Variants in C5orf63 observed in about 807,000 individuals in gnomAD.
C5orf63 encodes chromosome 5 open reading frame 63.
In C5orf63, 18 loss-of-function variants were observed where a neutral mutation model predicts 13.3. That is an observed-to-expected ratio of 1.36 (90% CI 0.94 to 2.01). The LOEUF is 2.01. Ranked by LOEUF, C5orf63 falls within the 30% of genes most tolerant of loss-of-function variation. C5orf63 has a pLI of 0.00. For missense variants in C5orf63, 118 were observed against 127.7 expected, an observed-to-expected ratio of 0.92 and a Z score of 0.36; for synonymous variants, 38 against 44.7, an observed-to-expected ratio of 0.85 and a Z score of 0.60.
At position 127,051,960 on chromosome 5, in the gene C5orf63, C is replaced by T; in HGVS notation, c.172-13G>A. On this transcript the variant is annotated splice_polypyrimidine_tract_variant and intron_variant, in intron 4 of 4. Transcript: ENST00000296662. ...CCTGTAAAATGAACTGAAACAGAGA[C>T]AGACTAAAGCTCTGTATTTTAGACC... 1 of 1,475,654 alleles carries T rather than the reference C, an allele frequency of 6.8e-7. No homozygotes were observed. Among genetic ancestry groups the T allele is most frequent in the Non-Finnish European group, 9.0e-7 (1 of 1,116,368 alleles). 91.4% of individuals were successfully genotyped at this position (1,475,654 alleles called of 1,614,324 possible).
At chr5:127,046,709 G>C (rs781106911), downstream of C5orf63, 4 of 152,178 alleles carry the variant, frequency 2.6e-5, no homozygotes, top group Non-Finnish European at 5.9e-5. Context: ...TTAGGTCATG[G>C]GTGCCTGGTT....
intron 2 of C5orf63, 30 bp from the exon 3 acceptor site, chr5:127,059,032 T>A: frequency 7.8e-7 from 1 of 1,275,068 alleles, no homozygotes; most frequent in Non-Finnish European, 1.1e-6. Context: ...GCAGTAAACT[T>A]ATGTGCCCTA....
At chr5:127,050,836 G>T (rs952564783), downstream of C5orf63, among the ~76,000 whole-genome samples, 52 of 152,280 alleles carry the variant, frequency 3.4e-4, 1 homozygote, top group African/African-American at 1.2e-3. Flanking sequence ...ACATGGAATT[G>T]CAGTGGTAAG....
chr5:127,052,424 C>T (rs146453635), intron 4 of C5orf63, 189 bp downstream of exon 4: 1 of 424,218 alleles, frequency 2.4e-6, no homozygotes, highest in Non-Finnish European at 4.1e-6. Context: ...CAGTACTGCT[C>T]AGAGGAAAAC....
downstream of C5orf63, chr5:127,044,402 G>A (rs1195119007): frequency 1.3e-5 from 2 of 152,054 alleles, no homozygotes; most frequent in East Asian, 3.9e-4. Flanking sequence ...TTAGAATTCA[G>A]AGGTTTAGCT....
exon 5 of C5orf63, chr5:127,045,911 A>C (rs139854567): frequency 2.0e-5 from 3 of 152,334 alleles, no homozygotes; most frequent in Non-Finnish European, 4.4e-5. Context: ...GGCATCACGT[A>C]ATGTAAATTG....
downstream of C5orf63, chr5:127,042,748 C>T (rs1753434241): frequency 6.6e-6 from 1 of 152,026 alleles, no homozygotes; most frequent in African/African-American, 2.4e-5. Flanking sequence ...CATGATAAAA[C>T]AAATGATTTG....
chr5:127,050,736 C>T (rs1001419752), downstream of C5orf63, among the ~76,000 whole-genome samples: 19 of 152,186 alleles, frequency 1.2e-4, no homozygotes, highest in African/African-American at 3.6e-4. Flanking sequence ...TAATATTCTA[C>T]ACTAAGACTG....
At chr5:127,063,235 A>C (rs1375086048) in intron 2 of C5orf63, among the ~76,000 whole-genome samples, 2 of 152,184 alleles carry the variant, frequency 1.3e-5, no homozygotes, top group Non-Finnish European at 2.9e-5. Flanking sequence ...GACTGACTGG[A>C]CCAATTCAGC....
chr5:127,047,378 A>G (rs1753541816), downstream of C5orf63: 1 of 258,916 alleles, frequency 3.9e-6, no homozygotes, highest in African/African-American at 2.2e-5. Flanking sequence ...AGGTGACATA[A>G]CACTGATACT....
chr5:127,066,502 G>A (rs1399181660), intron 2 of C5orf63, among the ~76,000 whole-genome samples: 4 of 152,008 alleles, frequency 2.6e-5, no homozygotes, highest in African/African-American at 9.7e-5. Context: ...AAAGAAAAGA[G>A]GGCAGTAAGG....
At chr5:127,052,022 C>A in intron 4 of C5orf63, 75 bp from the exon 5 acceptor site, 1 of 1,122,968 alleles carries the variant, frequency 8.9e-7, no homozygotes, top group Non-Finnish European at 1.2e-6. Flanking sequence ...TAAACTGATC[C>A]CCAGACCATT....
Position 127,058,943 on chromosome 5 carries a change from A to C in C5orf63, c.53T>G (p.Leu18Arg), listed in dbSNP as rs1271822091. 3.9e-6 allele frequency: 6 copies of C among 1,537,282 alleles called. No individual in the cohort carries two copies. Among genetic ancestry groups the C allele is most frequent in the Non-Finnish European group, 5.2e-6 (6 of 1,146,814 alleles). Reference sequence around the variant, plus strand: ...AGAGGCAGAGCAATTTCTCAAGAAGAGTCCAAAGGAGGATCTGGCAAGTTG... The same window carrying C: ...AGAGGCAGAGCAATTTCTCAAGAAGCGTCCAAAGGAGGATCTGGCAAGTTG... ...SMQLARSSFG[L>R]FLRNCSASKT... The change falls in exon 3 of 5, where the codon CTC (leucine) becomes CGC (arginine). Residue 18 changes from leucine (L) to arginine (R), a missense_variant. Coordinates refer to ENST00000296662, the MANE Select transcript of C5orf63 (RefSeq NM_001164478.2).
At chr5:127,043,485 A>G (rs1232797199), downstream of C5orf63, 1 of 152,242 alleles carries the variant, frequency 6.6e-6, no homozygotes, top group Non-Finnish European at 1.5e-5. Flanking sequence ...AGTTTGCAAG[A>G]TGAGAGAATC....
At chr5:127,047,555 A>G (rs1242917386), downstream of C5orf63, 1 of 587,900 alleles carries the variant, frequency 1.7e-6, no homozygotes, top group Non-Finnish European at 3.0e-6. Context: ...TTTATTGAAG[A>G]GCTATAGGTT....
At chr5:127,050,393 C>G (rs1753633450), downstream of C5orf63, among the ~76,000 whole-genome samples, 1 of 151,814 alleles carries the variant, frequency 6.6e-6, no homozygotes, top group South Asian at 2.1e-4. Flanking sequence ...GTTGCTCAGG[C>G]TGGACTCAAA....
intron 1 of C5orf63, among the ~76,000 whole-genome samples, chr5:127,072,682 CTATT>C (rs1404653665): frequency 1.3e-5 from 2 of 152,024 alleles, no homozygotes; most frequent in East Asian, 1.9e-4. Flanking sequence ...CACATATACA[CTATT>C]TATTAATAAA....
chr5:127,050,991 T>A (rs1219857147), downstream of C5orf63, among the ~76,000 whole-genome samples: 1 of 152,168 alleles, frequency 6.6e-6, no homozygotes. Flanking sequence ...AGATGACATA[T>A]TTAGGAGTGA....
intron 2 of C5orf63, among the ~76,000 whole-genome samples, chr5:127,066,689 G>C (rs755107722): frequency 6.6e-6 from 1 of 152,000 alleles, no homozygotes; most frequent in East Asian, 1.9e-4. Context: ...AAAAAAATCC[G>C]GGTCTAAAGA....
Sources: gnomAD v4.1 joint callset for allele counts (sites outside exome capture counted in the v4.1 genomes callset) on GRCh38, gnomAD v4.1.1 for gene constraint, MANE v1.5 for transcripts, NCBI Gene and HGNC (gene_info 2026-07-23, HGNC 2026-07-21) for gene names.